The following MDGA2 variants were observed in gnomAD, a reference collection of about 807,000 sequenced individuals.
MDGA2 encodes MAM domain-containing glycosylphosphatidylinositol anchor protein 2.
Under a neutral mutation model 117.8 loss-of-function variants are expected in MDGA2, and 40 were observed. The observed-to-expected ratio is 0.34, with a 90% confidence interval of 0.26 to 0.44. The LOEUF (loss-of-function observed/expected upper bound fraction) is 0.44. Among genes scored for constraint, MDGA2 ranks in the 20% least tolerant of loss-of-function variants. The pLI is 1.00. For synonymous variants in MDGA2, 452 were observed against 439.0 expected (o/e 1.03, Z -0.37); for missense variants, 1,123 against 1,250.6 (o/e 0.90, Z 1.54).
intron 1 of MDGA2, among the ~76,000 whole-genome samples, chr14:47,389,943 A>AGAAACAATGCAGGCT (rs1377677199): frequency 3.3e-5 from 5 of 152,226 alleles, no homozygotes; most frequent in Admixed American, 3.3e-4. Context: ...ACTCTCAGAC[A>AGAAACAATGCAGGCT]GAAACAATGC....
At chr14:47,031,799 C>T (rs117832590) in intron 8 of MDGA2, among the ~76,000 whole-genome samples, 297 of 152,252 alleles carry the variant, frequency 2.0e-3, no homozygotes, top group Middle Eastern at 3.4e-3. Context: ...TAGCACCTCC[C>T]AGGTTGCCCT....
chr14:47,423,795 ATTTAT>A (rs150211789), intron 1 of MDGA2, among the ~76,000 whole-genome samples: 8 of 150,458 alleles, frequency 5.3e-5, no homozygotes, highest in South Asian at 4.2e-4. Context: ...TTATTTAACT[ATTTAT>A]TTTATTTTAT....
chr14:46,965,382 G>T (rs1381960171), intron 8 of MDGA2, among the ~76,000 whole-genome samples: 1 of 152,132 alleles, frequency 6.6e-6, no homozygotes, highest in Non-Finnish European at 1.5e-5. Context: ...TCAATGGCCT[G>T]TAAGGAAGAA....
intron 8 of MDGA2, among the ~76,000 whole-genome samples, chr14:46,960,048 C>T (rs1885731889): frequency 6.6e-6 from 1 of 151,818 alleles, no homozygotes; most frequent in African/African-American, 2.4e-5. Context: ...ATAGTGAAAC[C>T]CCGTCTCTAC....
intron 1 of MDGA2, among the ~76,000 whole-genome samples, chr14:47,528,443 A>C (rs1049625278): frequency 1.3e-5 from 2 of 152,212 alleles, no homozygotes; most frequent in Admixed American, 6.5e-5. Context: ...CAAAATATGG[A>C]AGTTCTTTGG....
At position 46,886,398 on chromosome 14, in the gene MDGA2, T is replaced by C. The variant is rs185487696; in HGVS notation, c.2239-4177A>G. On this transcript the variant is annotated intron_variant, in intron 10 of 16. Coordinates refer to ENST00000399232, the MANE Select transcript of MDGA2 (RefSeq NM_001113498.3). ...TATTGAACTAAAATTAATTTTGAAG[T>C]AGATATGTTATAAAATTTAGTTTTA... is the stretch of plus-strand genomic sequence containing the variant. Among the ~76,000 whole-genome samples, 694 of 152,186 alleles carry C rather than the reference T, an allele frequency of 4.6e-3. 7 individuals carry two copies. The highest frequency in any genetic ancestry group is 0.015 in the African/African-American group (633 of 41,524).
intron 1 of MDGA2, among the ~76,000 whole-genome samples, chr14:47,502,269 G>C (rs1894414920): frequency 6.6e-6 from 1 of 152,216 alleles, no homozygotes; most frequent in East Asian, 1.9e-4. Flanking sequence ...CCAGGAGTTT[G>C]AGTTACGATC....
chr14:47,373,019 TAACA>T (rs976397562), intron 1 of MDGA2, among the ~76,000 whole-genome samples: 3 of 152,008 alleles, frequency 2.0e-5, no homozygotes, highest in Admixed American at 6.6e-5. Flanking sequence ...AAAAATCATA[TAACA>T]AACCTCATAT....
chr14:47,291,355 A>G (rs1015848064), intron 2 of MDGA2, among the ~76,000 whole-genome samples: 4 of 152,184 alleles, frequency 2.6e-5, no homozygotes, highest in African/African-American at 9.7e-5. Context: ...CGTTATGCAC[A>G]CATCTTACTA....
At chr14:47,508,831 C>T (rs901731367) in intron 1 of MDGA2, among the ~76,000 whole-genome samples, 2 of 151,868 alleles carry the variant, frequency 1.3e-5, no homozygotes, top group South Asian at 2.1e-4. Flanking sequence ...AGGCACCCAC[C>T]ACTATGCCCG....
intron 3 of MDGA2, among the ~76,000 whole-genome samples, chr14:47,154,428 G>A (rs1883285931): frequency 6.6e-6 from 1 of 152,108 alleles, no homozygotes; most frequent in African/African-American, 2.4e-5. Context: ...TTGGTGGGGT[G>A]GGAGCCCTGT....
chr14:46,845,799 C>T lies in MDGA2; in HGVS notation c.2956G>A (p.Gly986Arg). 6.2e-7 allele frequency: 1 copy of T among 1,613,266 alleles called. No homozygotes were observed. The highest frequency in any genetic ancestry group is 8.5e-7 in the Non-Finnish European group (1 of 1,179,488). ...IAIDDVSIAEGECAKQDLATK... is the reference protein window; with the variant it reads ...IAIDDVSIAERECAKQDLATK... The stretch of plus-strand genomic sequence containing the variant: ...GCTAGGTCTTGTTTTGCACATTCTC[C>T]TTCTGCAATTGATACATCATCAATA... Residue 986 changes from glycine to arginine, a missense_variant, in exon 16 of 17, where the codon GGA (glycine) becomes AGA (arginine). Transcript: ENST00000399232.
At chr14:47,542,404 A>G (rs1566506927) in intron 1 of MDGA2, among the ~76,000 whole-genome samples, 1 of 152,232 alleles carries the variant, frequency 6.6e-6, no homozygotes, top group Non-Finnish European at 1.5e-5. Flanking sequence ...ATTTCTGAAA[A>G]GATTTGTATT....
chr14:47,247,309 T>A (rs1364324009), intron 2 of MDGA2, among the ~76,000 whole-genome samples: 62 of 145,608 alleles, frequency 4.3e-4, no homozygotes, highest in Middle Eastern at 7.1e-3. Flanking sequence ...GTTTCATATT[T>A]TTTTTTTTTT....
intron 10 of MDGA2, among the ~76,000 whole-genome samples, chr14:46,897,933 T>TA (rs1250829693): frequency 3.3e-5 from 5 of 151,872 alleles, no homozygotes; most frequent in African/African-American, 1.2e-4. Context: ...AATTTAAAAG[T>TA]AAAAAATGAA....
At chr14:47,184,447 G>A (rs555159290) in intron 3 of MDGA2, among the ~76,000 whole-genome samples, 15 of 151,862 alleles carry the variant, frequency 9.9e-5, no homozygotes, top group African/African-American at 3.4e-4. Context: ...ATTGATACTG[G>A]TATAACTTTG....
At chr14:47,064,451 A>T (rs1200293773) in intron 6 of MDGA2, among the ~76,000 whole-genome samples, 1 of 152,118 alleles carries the variant, frequency 6.6e-6, no homozygotes. Flanking sequence ...ATGTTCAGAT[A>T]AAAGGTGTGT....
rs553450538 is a variant in MDGA2 at position 47,225,621 on chromosome 14, G to A, written c.421-7426C>T. 6.4e-3 allele frequency among the ~76,000 whole-genome samples: 966 copies of A among 150,430 alleles called. 14 individuals carry two copies. Among genetic ancestry groups the A allele is most frequent in the African/African-American group, 0.023 (922 of 40,630 alleles). Reference sequence around the variant, plus strand: ...GGTGGGAATTGAACAATGAGAACACGTGGACACAGGAAGGGGAACATCACA... The same window carrying A: ...GGTGGGAATTGAACAATGAGAACACATGGACACAGGAAGGGGAACATCACA... On this transcript the variant is annotated intron_variant, in intron 2 of 16. Transcript: ENST00000399232.
At position 47,057,356 on chromosome 14, in the gene MDGA2, A is replaced by G. The variant is rs568775105; in HGVS notation, c.1525+3893T>C. 4.3e-4 allele frequency among the ~76,000 whole-genome samples: 65 copies of G among 152,172 alleles called. 1 individual carries two copies. In the South Asian group the frequency reaches 0.012, roughly 29 times the overall value. ...AGTTTCTACGTAATCTGTCTTGATG[A>G]TTTAGATTGTAAGCTCCTTAAGGGC... On this transcript the variant is annotated intron_variant, in intron 7 of 16. Transcript: ENST00000399232.
Sources: gnomAD v4.1 joint callset for allele counts (sites outside exome capture counted in the v4.1 genomes callset) on GRCh38, gnomAD v4.1.1 for gene constraint, MANE v1.5 for transcripts, NCBI Gene and HGNC (gene_info 2026-07-23, HGNC 2026-07-21) for gene names.